Variants in PLEKHS1 observed in about 807,000 individuals in gnomAD.
The protein encoded by PLEKHS1 is pleckstrin homology domain-containing family S member 1.
In PLEKHS1, 55 loss-of-function variants were observed where a neutral mutation model predicts 51.0. That is an observed-to-expected ratio of 1.08 (90% confidence interval 0.87 to 1.35). The LOEUF is 1.35. PLEKHS1 is among the 40% of genes most tolerant of loss of function. The pLI is 0.00. For synonymous variants in PLEKHS1, 153 were observed against 144.8 expected, an observed-to-expected ratio of 1.06 and a Z score of -0.41; for missense variants, 398 against 423.0, an observed-to-expected ratio of 0.94 and a Z score of 0.52.
At chr10:113,771,511 A>C (rs900474236) in intron 7 of PLEKHS1, among the ~76,000 whole-genome samples, 4 of 151,692 alleles carry the variant, frequency 2.6e-5, no homozygotes, top group African/African-American at 9.7e-5. Flanking sequence ...ATCTCTACTA[A>C]AAAATATACA....
intron 2 of PLEKHS1, among the ~76,000 whole-genome samples, chr10:113,760,335 T>C (rs1843862125): frequency 6.6e-6 from 1 of 152,170 alleles, no homozygotes; most frequent in African/African-American, 2.4e-5. Flanking sequence ...ATGACCAGCT[T>C]TTGTATTTGT....
chr10:113,763,423 A>G (rs1844029066), intron 2 of PLEKHS1, among the ~76,000 whole-genome samples: 1 of 152,122 alleles, frequency 6.6e-6, no homozygotes, highest in Non-Finnish European at 1.5e-5. Context: ...AGGTGTTTAG[A>G]CCATTTACGT....
At chr10:113,774,484 A>G in intron 9 of PLEKHS1, 151 bp downstream of exon 9, 1 of 607,258 alleles carries the variant, frequency 1.6e-6, no homozygotes, top group Non-Finnish European at 2.8e-6. Context: ...AACACACAAA[A>G]AATGAGGGAG....
intron 11 of PLEKHS1, among the ~76,000 whole-genome samples, chr10:113,776,697 T>C (rs547674720): frequency 2.0e-5 from 3 of 152,278 alleles, no homozygotes; most frequent in South Asian, 4.1e-4. Flanking sequence ...CTTGGAACCA[T>C]GGGGTTTTAA....
rs201870731 is a variant in PLEKHS1, at chr10:113,766,442, A to C, written c.60A>C (p.Glu20Asp). Residue 20 changes from glutamate (E) to aspartate (D), a missense_variant, in exon 3 of 12, where the codon GAA becomes GAC. Transcript: ENST00000361048. ...AATTTACATTTTCTTATGAAAATGA[A>C]GTCTGCAAACAAGATTACTTTATTA... 86 of 1,595,142 alleles carry C rather than the reference A, an allele frequency of 5.4e-5. 2 individuals carry two copies. The Middle Eastern group carries it at 8.3e-4, about 15-fold the overall frequency.
chr10:113,768,074 G>A (rs1005800186), intron 5 of PLEKHS1, among the ~76,000 whole-genome samples: 1 of 152,110 alleles, frequency 6.6e-6, no homozygotes, highest in Non-Finnish European at 1.5e-5. Context: ...TTTGCGGGGA[G>A]GGTACATTTC....
chr10:113,773,707 T>G (rs1397759861), intron 8 of PLEKHS1, among the ~76,000 whole-genome samples: 1 of 151,994 alleles, frequency 6.6e-6, no homozygotes, highest in Non-Finnish European at 1.5e-5. Context: ...GGCCTTAGGG[T>G]TTTTGAGCAA....
At chr10:113,779,830 T>C (rs1844814603) in intron 11 of PLEKHS1, among the ~76,000 whole-genome samples, 1 of 152,188 alleles carries the variant, frequency 6.6e-6, no homozygotes, top group Non-Finnish European at 1.5e-5. Context: ...TTCTAATTGA[T>C]AACAGCCCCT....
exon 4 of PLEKHS1, chr10:113,766,678 T>A (rs1225899699): frequency 1.2e-6 from 2 of 1,612,516 alleles, no homozygotes; most frequent in Non-Finnish European, 1.7e-6. Context: ...TCTTTCCTAT[T>A]ATAAAGACCA....
downstream of PLEKHS1, chr10:113,782,511 G>A (rs1002491689): frequency 2.0e-5 from 3 of 152,254 alleles, no homozygotes; most frequent in Non-Finnish European, 4.4e-5. Flanking sequence ...CCTGGTGGGA[G>A]GCAGCTGGAT....
chr10:113,781,065 A>G (rs1844852004), exon 12 of PLEKHS1: 2 of 424,258 alleles, frequency 4.7e-6, no homozygotes, highest in South Asian at 3.7e-5. Context: ...CATGTAATAC[A>G]TGCTGTGTTC....
At chr10:113,777,247 C>T in intron 11 of PLEKHS1, 1 of 1,612,832 alleles carries the variant, frequency 6.2e-7, no homozygotes, top group South Asian at 1.1e-5. Flanking sequence ...TTACCCGGTC[C>T]ATCCAGAAGG....
chr10:113,755,996 T>C (rs1294899943), intron 2 of PLEKHS1, among the ~76,000 whole-genome samples: 1 of 152,354 alleles, frequency 6.6e-6, no homozygotes, highest in East Asian at 1.9e-4. Flanking sequence ...GGTAGCTCAA[T>C]GTATGGTATC....
intron 2 of PLEKHS1, chr10:113,765,330 A>C: frequency 3.9e-6 from 3 of 779,206 alleles, no homozygotes; most frequent in Non-Finnish European, 7.2e-6. Context: ...CTGAGGCAAG[A>C]CATTCCTGAG....
intron 2 of PLEKHS1, among the ~76,000 whole-genome samples, chr10:113,763,459 G>A: frequency 6.6e-6 from 1 of 152,046 alleles, no homozygotes; most frequent in East Asian, 1.9e-4. Flanking sequence ...ATATAGTCAG[G>A]TTTAAATGTA....
intron 6 of PLEKHS1, among the ~76,000 whole-genome samples, 153 bp downstream of exon 6, chr10:113,769,043 A>T (rs1283063622): frequency 6.6e-6 from 1 of 152,266 alleles, no homozygotes. Flanking sequence ...ACTTTTTATG[A>T]TTAACAGAAA....
chr10:113,754,270 G>C (rs1370715144), intron 1 of PLEKHS1, among the ~76,000 whole-genome samples: 1 of 152,122 alleles, frequency 6.6e-6, no homozygotes, highest in Non-Finnish European at 1.5e-5. Flanking sequence ...ATCTTACTTG[G>C]GGCTGCTTGG....
exon 9 of PLEKHS1, chr10:113,774,239 A>G: frequency 6.3e-7 from 1 of 1,595,966 alleles, no homozygotes. Flanking sequence ...GGATAATATC[A>G]TTGCTTCCAG....
At chr10:113,766,837 A>G (rs191426980) in intron 4 of PLEKHS1, 119 bp downstream of exon 4, 1 of 741,666 alleles carries the variant, frequency 1.3e-6, no homozygotes, top group Non-Finnish European at 2.2e-6. Context: ...CAAGCTGATT[A>G]TAATATTTGT....
Sources: allele counts gnomAD v4.1 joint callset (sites outside exome capture counted in the v4.1 genomes callset), GRCh38; gene constraint gnomAD v4.1.1; transcripts MANE v1.5; gene names NCBI Gene and HGNC (gene_info 2026-07-23, HGNC 2026-07-21).